SHISA9: variants seen among roughly 807,000 people sequenced by gnomAD.
SHISA9 encodes protein shisa-9.
A neutral mutation model predicts 38.0 loss-of-function variants in SHISA9; 13 were observed. That is an observed-to-expected ratio of 0.34 (90% CI 0.22 to 0.54). SHISA9 has a LOEUF of 0.54. Ranked by LOEUF, SHISA9 falls within the 20% of genes least tolerant of loss-of-function variation. The pLI, the probability that SHISA9 is intolerant of heterozygous loss-of-function variation, is 0.91. For missense variants in SHISA9, 538 were observed against 575.8 expected (o/e 0.93, Z 0.67); for synonymous variants, 275 against 242.0 (o/e 1.14, Z -1.27).
At chr16:13,120,373 T>C (rs999838824) in intron 2 of SHISA9, among the ~76,000 whole-genome samples, 1 of 152,136 alleles carries the variant, frequency 6.6e-6, no homozygotes, top group African/African-American at 2.4e-5. Context: ...AGCAAACATC[T>C]GTTCCTTCCC....
chr16:12,908,827 A>G (rs1411772351), intron 1 of SHISA9: 2 of 1,303,034 alleles, frequency 1.5e-6, no homozygotes, highest in African/African-American at 1.5e-5. Flanking sequence ...ACATATGTGA[A>G]GCTCTCTACA....
chr16:13,416,002 T>G, the SHISA9 span, among the ~76,000 whole-genome samples: 1 of 152,162 alleles, frequency 6.6e-6, no homozygotes. Flanking sequence ...ATAAGTGAGG[T>G]GCTTTCGTGG....
At chr16:13,382,891 A>C in the SHISA9 span, among the ~76,000 whole-genome samples, 5 of 152,190 alleles carry the variant, frequency 3.3e-5, no homozygotes, top group Admixed American at 6.6e-5. Flanking sequence ...AATTTAAAAA[A>C]TTGTTATAAC....
At chr16:13,407,156 G>C in the SHISA9 span, among the ~76,000 whole-genome samples, 9 of 151,516 alleles carry the variant, frequency 5.9e-5, no homozygotes, top group Non-Finnish European at 1.0e-4. Context: ...ACCATAGACT[G>C]GGTGGCTTAT....
chr16:13,526,260 G>T, the SHISA9 span, among the ~76,000 whole-genome samples: 1 of 152,270 alleles, frequency 6.6e-6, no homozygotes, highest in East Asian at 1.9e-4. Context: ...ACTTCCTGAG[G>T]ACTTCACCCC....
chr16:13,122,635 G>A (rs1305170277), intron 2 of SHISA9, among the ~76,000 whole-genome samples: 4 of 152,226 alleles, frequency 2.6e-5, no homozygotes, highest in African/African-American at 9.6e-5. Flanking sequence ...GCAGAAAAAA[G>A]GGGGAGAAGG....
the SHISA9 span, among the ~76,000 whole-genome samples, chr16:13,260,236 TTGATCTCCTGACCTTG>T: frequency 1.3e-5 from 2 of 151,954 alleles, no homozygotes; most frequent in Non-Finnish European, 2.9e-5. Flanking sequence ...CAGGATGGTC[TTGATCTCCTGACCTTG>T]TGATCTGCCT....
chr16:13,414,613 T>C, the SHISA9 span, among the ~76,000 whole-genome samples: 1 of 150,570 alleles, frequency 6.6e-6, no homozygotes, highest in Non-Finnish European at 1.5e-5. Context: ...AATTACCATG[T>C]TCGTTCGTTC....
downstream of SHISA9, among the ~76,000 whole-genome samples, chr16:13,240,946 G>T (rs980806417): frequency 7.2e-5 from 11 of 152,148 alleles, no homozygotes; most frequent in South Asian, 1.7e-3. Context: ...ATACTGGGAG[G>T]GGGTGGGAGG....
chr16:12,947,120 C>T (rs1232493375), intron 2 of SHISA9, among the ~76,000 whole-genome samples: 1 of 152,124 alleles, frequency 6.6e-6, no homozygotes, highest in Non-Finnish European at 1.5e-5. Flanking sequence ...GGGTGTTACT[C>T]TTACTCTGGG....
chr16:12,914,323 C>T (rs991916806), intron 1 of SHISA9, among the ~76,000 whole-genome samples: 4 of 151,900 alleles, frequency 2.6e-5, no homozygotes, highest in Non-Finnish European at 2.9e-5. Flanking sequence ...GGATTACAGG[C>T]GTGAGCCACC....
At chr16:13,379,446 C>A in the SHISA9 span, among the ~76,000 whole-genome samples, 1 of 152,238 alleles carries the variant, frequency 6.6e-6, no homozygotes, top group South Asian at 2.1e-4. Flanking sequence ...ACTCCCAGGT[C>A]CCCCCGCCAC....
the SHISA9 span, among the ~76,000 whole-genome samples, chr16:13,409,419 C>T: frequency 2.0e-5 from 3 of 152,212 alleles, no homozygotes; most frequent in East Asian, 1.9e-4. Flanking sequence ...ACACTTAAGC[C>T]ATCTGCAGAC....
chr16:13,123,144 A>G (rs1364415423), intron 2 of SHISA9, among the ~76,000 whole-genome samples: 3 of 152,270 alleles, frequency 2.0e-5, no homozygotes, highest in Non-Finnish European at 4.4e-5. Context: ...GGATTTGAGA[A>G]CTAGGATATC....
At chr16:12,906,625 ATT>A (rs2071098585) in intron 1 of SHISA9, among the ~76,000 whole-genome samples, 1 of 152,186 alleles carries the variant, frequency 6.6e-6, no homozygotes, top group Non-Finnish European at 1.5e-5. Flanking sequence ...TCTGCAAGGT[ATT>A]TCTACTTAGG....
At chr16:13,351,204 C>T in the SHISA9 span, among the ~76,000 whole-genome samples, 46 of 152,226 alleles carry the variant, frequency 3.0e-4, no homozygotes, top group African/African-American at 1.1e-3. Context: ...ACATCAAAGC[C>T]CAGTCTCCTA....
intron 4 of SHISA9, among the ~76,000 whole-genome samples, chr16:13,224,226 C>A (rs1221784681): frequency 6.6e-6 from 1 of 152,192 alleles, no homozygotes; most frequent in African/African-American, 2.4e-5. Context: ...TTCTGATATA[C>A]CCAAACAGTC....
chr16:13,552,133 G>T, the SHISA9 span, among the ~76,000 whole-genome samples: 1 of 152,166 alleles, frequency 6.6e-6, no homozygotes, highest in Non-Finnish European at 1.5e-5. Context: ...AATAAGTGAA[G>T]TAGTCAGAAA....
the SHISA9 span, among the ~76,000 whole-genome samples, chr16:13,255,984 C>T: frequency 6.6e-6 from 1 of 152,160 alleles, no homozygotes; most frequent in African/African-American, 2.4e-5. Flanking sequence ...CATATAACAA[C>T]CTTCCTCACC....
Sources: allele counts gnomAD v4.1 joint callset (sites outside exome capture counted in the v4.1 genomes callset), GRCh38; gene constraint gnomAD v4.1.1; transcripts MANE v1.5; gene names NCBI Gene and HGNC (gene_info 2026-07-23, HGNC 2026-07-21).